PCDH15: variants seen among roughly 807,000 people sequenced by gnomAD.
PCDH15 encodes the protein protocadherin related 15.
A neutral mutation model predicts 178.5 loss-of-function variants in PCDH15; 129 were observed. That is an observed-to-expected ratio of 0.72 (90% CI 0.63 to 0.84). The LOEUF is 0.84. Ranked by LOEUF, PCDH15 falls within the 40% of genes least tolerant of loss-of-function variation. The pLI is 0.00. For synonymous variants in PCDH15, 800 were observed against 732.0 expected, an observed-to-expected ratio of 1.09 and a Z score of -1.50; for missense variants, 2,230 against 2,099.9, an observed-to-expected ratio of 1.06 and a Z score of -1.21.
intron 3 of PCDH15, among the ~76,000 whole-genome samples, chr10:54,463,268 A>C (rs866893187): frequency 6.6e-6 from 1 of 152,194 alleles, no homozygotes; most frequent in African/African-American, 2.4e-5. Flanking sequence ...TATTAGAGTA[A>C]ATTTCAAGCT....
intron 2 of PCDH15, among the ~76,000 whole-genome samples, chr10:54,974,709 G>A (rs965118341): frequency 3.5e-4 from 53 of 152,092 alleles, no homozygotes; most frequent in African/African-American, 8.9e-4. Context: ...GGTTGAATAA[G>A]TTCAGAATTC....
intron 1 of PCDH15, among the ~76,000 whole-genome samples, chr10:54,779,764 A>G (rs1418586908): frequency 6.6e-6 from 1 of 151,888 alleles, no homozygotes; most frequent in Non-Finnish European, 1.5e-5. Flanking sequence ...CATTCATTCA[A>G]TTGGTGGTGC....
At chr10:54,604,247 T>C (rs951689221) in intron 2 of PCDH15, among the ~76,000 whole-genome samples, 2 of 151,976 alleles carry the variant, frequency 1.3e-5, no homozygotes, top group African/African-American at 4.8e-5. Context: ...GAATGTACAA[T>C]CTTCTGTTGT....
At chr10:55,274,591 A>G (rs1216743001) in intron 1 of PCDH15, among the ~76,000 whole-genome samples, 1 of 152,050 alleles carries the variant, frequency 6.6e-6, no homozygotes, top group Admixed American at 6.6e-5. Flanking sequence ...CAGGAACCTT[A>G]GTCATCACTA....
At chr10:54,193,894 C>T (rs1008212781) in intron 11 of PCDH15, among the ~76,000 whole-genome samples, 1 of 151,790 alleles carries the variant, frequency 6.6e-6, no homozygotes, top group Non-Finnish European at 1.5e-5. Flanking sequence ...TTTAATATCC[C>T]TTTCTGAAAT....
intron 20 of PCDH15, among the ~76,000 whole-genome samples, chr10:53,997,357 C>T (rs955460925): frequency 3.3e-5 from 5 of 151,950 alleles, no homozygotes; most frequent in South Asian, 4.1e-4. Flanking sequence ...CACACATTTT[C>T]GTGCCCTTTC....
At chr10:55,311,741 G>T (rs911558569) in intron 1 of PCDH15, among the ~76,000 whole-genome samples, 2 of 152,156 alleles carry the variant, frequency 1.3e-5, no homozygotes, top group Non-Finnish European at 2.9e-5. Flanking sequence ...AAAGGATGCT[G>T]AAGAGCACAA....
At chr10:54,191,033 G>A (rs2048941379) in intron 11 of PCDH15, among the ~76,000 whole-genome samples, 1 of 152,146 alleles carries the variant, frequency 6.6e-6, no homozygotes, top group African/African-American at 2.4e-5. Context: ...CATGGGATAG[G>A]CCATCTTGTG....
chr10:54,954,345 A>G (rs1838424180), intron 2 of PCDH15, among the ~76,000 whole-genome samples: 1 of 151,072 alleles, frequency 6.6e-6, no homozygotes, highest in South Asian at 2.1e-4. Flanking sequence ...TCCATTCTCA[A>G]AAAAAATTCT....
intron 8 of PCDH15, among the ~76,000 whole-genome samples, chr10:54,256,698 G>T (rs1564802909): frequency 6.6e-6 from 1 of 151,918 alleles, no homozygotes; most frequent in Admixed American, 6.6e-5. Context: ...AGTATCTCTG[G>T]TTTATTTTTC....
intron 2 of PCDH15, among the ~76,000 whole-genome samples, chr10:55,359,747 TACACACACACACACAC>T (rs57691062): frequency 2.4e-5 from 2 of 81,662 alleles, no homozygotes; most frequent in African/African-American, 7.1e-5. Flanking sequence ...TATATATATA[TACACACACACACACAC>T]ACACACACAT....
At chr10:54,328,545 C>T (rs1938687303) in intron 7 of PCDH15, among the ~76,000 whole-genome samples, 1 of 151,996 alleles carries the variant, frequency 6.6e-6, no homozygotes, top group South Asian at 2.1e-4. Flanking sequence ...ACTTCCTCAA[C>T]CTTCGTTCCT....
At chr10:53,816,115 T>C (rs1286071553) in intron 35 of PCDH15, 124 bp downstream of exon 35, 5 of 394,458 alleles carry the variant, frequency 1.3e-5, no homozygotes, top group Non-Finnish European at 2.2e-5. Context: ...GAAAGACTCT[T>C]TTCTTTTCCT....
At chr10:54,311,306 G>C (rs905914843) in intron 8 of PCDH15, among the ~76,000 whole-genome samples, 2 of 151,732 alleles carry the variant, frequency 1.3e-5, no homozygotes, top group Non-Finnish European at 1.5e-5. Context: ...TTCTGTCCAG[G>C]GATAAATAAC....
At chr10:55,273,794 GA>G (rs1463986696) in intron 1 of PCDH15, among the ~76,000 whole-genome samples, 2 of 152,036 alleles carry the variant, frequency 1.3e-5, no homozygotes, top group Non-Finnish European at 2.9e-5. Context: ...TGAGGAAGAA[GA>G]AAATCACTTG....
At chr10:54,617,778 TAGTC>T (rs750862395) in intron 2 of PCDH15, among the ~76,000 whole-genome samples, 1,793 of 137,560 alleles carry the variant, frequency 0.013, 20 homozygotes, top group Non-Finnish European at 0.017. Context: ...AAAAAAAAAT[TAGTC>T]AGGCATAGTG....
chr10:54,619,678 C>T (rs1479504479), intron 2 of PCDH15, among the ~76,000 whole-genome samples: 2 of 152,004 alleles, frequency 1.3e-5, no homozygotes, highest in Non-Finnish European at 2.9e-5. Context: ...AAGTGCCTAG[C>T]TTCCACCATT....
At chr10:54,773,022 G>A (rs1440004861) in intron 1 of PCDH15, among the ~76,000 whole-genome samples, 2 of 151,754 alleles carry the variant, frequency 1.3e-5, no homozygotes, top group East Asian at 1.9e-4. Context: ...GAACAGAAAA[G>A]CAAGCATTTA....
chr10:55,500,733 G>A (rs1840639265), intron 2 of PCDH15, among the ~76,000 whole-genome samples: 2 of 151,796 alleles, frequency 1.3e-5, no homozygotes, highest in African/African-American at 2.4e-5. Context: ...CAACCCATGT[G>A]AACTTAGGTA....
Sources: gnomAD v4.1 joint callset for allele counts (sites outside exome capture counted in the v4.1 genomes callset) on GRCh38, gnomAD v4.1.1 for gene constraint, MANE v1.5 for transcripts, NCBI Gene and HGNC (gene_info 2026-07-23, HGNC 2026-07-21) for gene names.